The following NELL1 variants were observed in gnomAD, a reference collection of about 807,000 sequenced individuals.
The protein encoded by NELL1 is neural EGFL like 1, also known as protein kinase C-binding protein NELL1.
Under a neutral mutation model 107.4 loss-of-function variants are expected in NELL1, and 76 were observed. The observed-to-expected ratio is 0.71, with a 90% confidence interval of 0.59 to 0.86. The LOEUF is 0.86. Ranked by LOEUF, NELL1 falls within the 40% of genes least tolerant of loss-of-function variation. The pLI, the probability that NELL1 is intolerant of heterozygous loss-of-function variation, is 0.00. For missense variants in NELL1, 1,024 were observed against 1,005.5 expected (o/e 1.02, Z -0.25); for synonymous variants, 353 against 341.2 (o/e 1.03, Z -0.38).
intron 15 of NELL1, among the ~76,000 whole-genome samples, chr11:21,530,990 A>AT (rs1190476887): frequency 6.6e-6 from 1 of 152,094 alleles, no homozygotes; most frequent in Non-Finnish European, 1.5e-5. Context: ...CCTGCATAAA[A>AT]TGTTGTCTGT....
intron 4 of NELL1, among the ~76,000 whole-genome samples, chr11:20,871,237 A>G (rs1590366435): frequency 6.6e-6 from 1 of 152,214 alleles, no homozygotes; most frequent in African/African-American, 2.4e-5. Context: ...TGGAACCAAA[A>G]GGAGAGGAAC....
intron 3 of NELL1, among the ~76,000 whole-genome samples, chr11:20,801,142 T>G (rs925708743): frequency 2.0e-5 from 3 of 152,220 alleles, no homozygotes; most frequent in African/African-American, 4.8e-5. Flanking sequence ...GTGGTTTCCT[T>G]TTTAATGAAT....
chr11:21,292,731 T>C (rs1188269253), intron 14 of NELL1, among the ~76,000 whole-genome samples: 2 of 151,926 alleles, frequency 1.3e-5, no homozygotes, highest in Admixed American at 6.6e-5. Flanking sequence ...CCAAAACAGA[T>C]ATATAGACCA....
rs558002800 is a variant in NELL1, at chr11:21,527,842, C to T, written c.1646-6532C>T. Among the ~76,000 whole-genome samples, 3 of 152,256 alleles carry T rather than the reference C, an allele frequency of 2.0e-5. No homozygotes were observed. The South Asian group carries it at 6.2e-4, about 32-fold the overall frequency. On this transcript the variant is annotated intron_variant, in intron 15 of 19. Coordinates refer to ENST00000357134, the MANE Select transcript of NELL1 (RefSeq NM_006157.5). The stretch of plus-strand genomic sequence containing the variant: ...AAGATGGAGGCCAGAAGATTCAGGC[C>T]AGTCTAGTCCTTCCACGTTCCTCTG...
chr11:21,504,709 T>C (rs183755050), intron 15 of NELL1, among the ~76,000 whole-genome samples: 5 of 152,288 alleles, frequency 3.3e-5, no homozygotes, highest in African/African-American at 9.6e-5. Context: ...TATACTACTC[T>C]ATATTTGATT....
At chr11:20,701,313 A>C (rs140983528) in intron 2 of NELL1, among the ~76,000 whole-genome samples, 3 of 152,134 alleles carry the variant, frequency 2.0e-5, no homozygotes, top group African/African-American at 7.2e-5. Context: ...TCTTCTTTTG[A>C]GAAGTGTCTG....
chr11:21,350,320 T>TA (rs1249975739), intron 14 of NELL1, among the ~76,000 whole-genome samples: 1 of 151,556 alleles, frequency 6.6e-6, no homozygotes, highest in African/African-American at 2.4e-5. Context: ...TAGTAATGGC[T>TA]AATAAAAGAA....
intron 15 of NELL1, among the ~76,000 whole-genome samples, chr11:21,509,340 C>T (rs1855377701): frequency 6.6e-6 from 1 of 152,176 alleles, no homozygotes; most frequent in Admixed American, 6.5e-5. Context: ...CACATAATCT[C>T]TGACCCAACA....
chr11:21,538,800 T>G (rs893632634), intron 16 of NELL1, among the ~76,000 whole-genome samples: 7 of 152,174 alleles, frequency 4.6e-5, no homozygotes, highest in African/African-American at 1.7e-4. Flanking sequence ...AGCAGTACTT[T>G]GCATATTTTA....
At chr11:21,165,480 C>T (rs558272545) in intron 13 of NELL1, among the ~76,000 whole-genome samples, 1 of 152,284 alleles carries the variant, frequency 6.6e-6, no homozygotes, top group East Asian at 1.9e-4. Flanking sequence ...GAACTCTTGA[C>T]TTGCCCTCAA....
chr11:21,244,221 C>T (rs531355923), intron 14 of NELL1, among the ~76,000 whole-genome samples: 45 of 152,210 alleles, frequency 3.0e-4, no homozygotes, highest in African/African-American at 1.0e-3. Flanking sequence ...ACTTTCGTTG[C>T]ATTTTAAGAT....
rs567849354 is a variant in NELL1 at position 20,979,617 on chromosome 11, A to G, written c.1300+19057A>G. On this transcript the variant is annotated intron_variant, in intron 12 of 19. Transcript: ENST00000357134. ...TTCTGCCTAATTGGAATTTTTGAGT[A>G]TCTGAGGAGAAAATCTTGGAACTCT... Among the ~76,000 whole-genome samples the G allele has an allele frequency of 1.4e-4, 21 of 152,328 alleles. No homozygotes were observed. The South Asian group carries it at 3.9e-3, about 29-fold the overall frequency.
chr11:21,511,458 A>C (rs186877945), intron 15 of NELL1, among the ~76,000 whole-genome samples: 16 of 152,258 alleles, frequency 1.1e-4, no homozygotes, highest in Admixed American at 8.5e-4. Context: ...GTTGGATGAG[A>C]AAGATAAGGT....
At chr11:21,343,438 T>C (rs1337648574) in intron 14 of NELL1, among the ~76,000 whole-genome samples, 1 of 152,116 alleles carries the variant, frequency 6.6e-6, no homozygotes, top group Non-Finnish European at 1.5e-5. Context: ...CATGCATCAC[T>C]TCCTCTTGGC....
chr11:20,689,270 CT>C (rs57677348), intron 2 of NELL1, among the ~76,000 whole-genome samples: 31,659 of 151,356 alleles, frequency 0.21, 3,606 homozygotes, highest in African/African-American at 0.28. Flanking sequence ...TGCAGAAGCC[CT>C]TTTTTTATTT....
chr11:21,223,532 T>C (rs1246598331), intron 13 of NELL1, among the ~76,000 whole-genome samples: 1 of 152,180 alleles, frequency 6.6e-6, no homozygotes, highest in East Asian at 1.9e-4. Context: ...GTCCATATAT[T>C]TTAACTGGGA....
intron 2 of NELL1, among the ~76,000 whole-genome samples, chr11:20,710,966 C>G (rs910349664): frequency 6.6e-6 from 1 of 151,846 alleles, no homozygotes; most frequent in African/African-American, 2.4e-5. Context: ...TTTATCTTTT[C>G]AAAGAATCAG....
At position 20,669,851 on chromosome 11, in the gene NELL1, C is replaced by A; in HGVS notation, c.55+73C>A. 7.7e-7 allele frequency: 1 copy of A among 1,294,324 alleles called. No homozygotes were observed. The highest frequency in any genetic ancestry group is 2.3e-5 in the East Asian group (1 of 42,874). The allele number at this position is 1,294,324 out of a possible 1,614,324, so 80.2% of individuals were successfully genotyped here. A position where few individuals can be genotyped will look rare whatever the true frequency, so the allele number is the denominator to read the frequency against. On this transcript the variant is annotated intron_variant, in intron 1 of 19. Transcript: ENST00000357134. The surrounding 1 kb of genome is among the most constrained non-coding windows in gnomAD (Gnocchi z 4.4). Reference sequence around the variant, plus strand: ...CACAGACCACGGCGGCGTGGGGAGACCTGGAGCCGAGCTTTGCGCTGGTCT... The same window carrying A: ...CACAGACCACGGCGGCGTGGGGAGAACTGGAGCCGAGCTTTGCGCTGGTCT...
intron 14 of NELL1, among the ~76,000 whole-genome samples, chr11:21,337,884 T>C (rs1850471665): frequency 6.7e-6 from 1 of 149,404 alleles, no homozygotes; most frequent in African/African-American, 2.5e-5. Context: ...TTTCTTTCTT[T>C]CAGTGCTGGT....
Sources: gnomAD v4.1 joint callset for allele counts (sites outside exome capture counted in the v4.1 genomes callset) on GRCh38, gnomAD v4.1.1 for gene constraint, Gnocchi (gnomAD v3.1) non-coding constraint, MANE v1.5 for transcripts, NCBI Gene and HGNC (gene_info 2026-07-23, HGNC 2026-07-21) for gene names.